The following MGST1 variants were observed in gnomAD, a reference collection of about 807,000 sequenced individuals.
MGST1 encodes glutathione S-transferase 12.
MGST1 carries 5 observed loss-of-function variants against 8.9 expected under a neutral mutation model. That is an observed-to-expected ratio of 0.56 (90% CI 0.29 to 1.19). The LOEUF (loss-of-function observed/expected upper bound fraction) is 1.19. Ranked by LOEUF, MGST1 falls within the 50% of genes most tolerant of loss-of-function variation. The pLI is 0.08. For synonymous variants in MGST1, 54 were observed against 67.8 expected, an observed-to-expected ratio of 0.80 and a Z score of 1.00; for missense variants, 182 against 187.4, an observed-to-expected ratio of 0.97 and a Z score of 0.17.
chr12:16,485,921 C>T (rs1205201623), intron 4 of MGST1, among the ~76,000 whole-genome samples: 1 of 152,086 alleles, frequency 6.6e-6, no homozygotes, highest in Admixed American at 6.6e-5. Context: ...AAGCAAAAAT[C>T]CCCTTCTTGT....
At chr12:16,476,831 C>CGACTG (rs1486061343) in intron 4 of MGST1, among the ~76,000 whole-genome samples, 1 of 152,044 alleles carries the variant, frequency 6.6e-6, no homozygotes, top group Non-Finnish European at 1.5e-5. Context: ...TCGAGGTAAT[C>CGACTG]GACTGAAATA....
At chr12:16,420,155 A>G (rs974849542) in intron 1 of MGST1, among the ~76,000 whole-genome samples, 10 of 152,166 alleles carry the variant, frequency 6.6e-5, no homozygotes, top group African/African-American at 2.4e-4. Context: ...TTTCTCATCT[A>G]TTTAATGAGT....
At chr12:16,580,684 A>G (rs965719377) in intron 4 of MGST1, among the ~76,000 whole-genome samples, 27 of 152,200 alleles carry the variant, frequency 1.8e-4, no homozygotes, top group Non-Finnish European at 3.7e-4. Context: ...AAATACATAC[A>G]TGTGCATAAA....
intron 1 of MGST1, among the ~76,000 whole-genome samples, chr12:16,412,987 A>G (rs1173856787): frequency 6.6e-6 from 1 of 152,176 alleles, no homozygotes; most frequent in Non-Finnish European, 1.5e-5. Flanking sequence ...GAAGCAGAAC[A>G]TAGATAATAT....
chr12:16,562,901 C>A (rs905968637), intron 4 of MGST1, among the ~76,000 whole-genome samples: 1 of 152,186 alleles, frequency 6.6e-6, no homozygotes, highest in Non-Finnish European at 1.5e-5. Context: ...AGTTCTCTGA[C>A]GTTATAGCCT....
rs563406827 is a variant in MGST1, at chr12:16,363,519, TTAGA to T, written c.222-270_222-267del. 496 of 213,910 alleles carry T rather than the reference TTAGA, an allele frequency of 2.3e-3. 3 individuals are homozygous for T. The highest frequency in any genetic ancestry group is 9.6e-3 in the African/African-American group (422 of 43,936). The allele number at this position is 213,910 out of a possible 1,614,324, so 13.3% of individuals were successfully genotyped here. On this transcript the variant is annotated intron_variant, in intron 3 of 3. Transcript: ENST00000396210. This position sits in a 1 kb window ranked among gnomAD's most constrained non-coding sequence, Gnocchi z 4.6. ...ATTTACAAAAATGAAATGAGTTCTATTAGATAGATGTCGTTTTGATATTCTAGGA... is the reference window on the plus strand; with the variant it reads ...ATTTACAAAAATGAAATGAGTTCTATTAGATGTCGTTTTGATATTCTAGGA...
intron 4 of MGST1, among the ~76,000 whole-genome samples, chr12:16,485,174 T>A (rs1017860649): frequency 4.6e-5 from 7 of 152,222 alleles, no homozygotes; most frequent in Non-Finnish European, 1.0e-4. Context: ...TCTATGGACA[T>A]TGTTCTTGCC....
At chr12:16,530,105 C>G (rs917556370) in intron 4 of MGST1, among the ~76,000 whole-genome samples, 2 of 152,018 alleles carry the variant, frequency 1.3e-5, no homozygotes, top group Admixed American at 6.6e-5. Context: ...TTTCACTTTT[C>G]AAGCTTTAAA....
intron 4 of MGST1, among the ~76,000 whole-genome samples, chr12:16,538,399 C>T (rs1310081602): frequency 6.6e-6 from 1 of 152,130 alleles, no homozygotes; most frequent in Admixed American, 6.5e-5. Flanking sequence ...CAACTTCTTC[C>T]TGTTACCCAG....
In MGST1 at chr12:16,482,111, G is replaced by T. The variant is rs898130321; in HGVS notation, n.482+98507G>T. Among the ~76,000 whole-genome samples, 1 of 152,078 alleles carries T rather than the reference G, an allele frequency of 6.6e-6. No individual in the cohort carries two copies. Among genetic ancestry groups the T allele is most frequent in the Non-Finnish European group, 1.5e-5 (1 of 68,002 alleles). ...ATAGTCAACATAAAATTGTATTCTAGCTAAATTTTACTTAAAACGCTGAAG... is the reference window on the plus strand; with the variant it reads ...ATAGTCAACATAAAATTGTATTCTATCTAAATTTTACTTAAAACGCTGAAG... On this transcript the variant is annotated intron_variant and non_coding_transcript_variant, in intron 4 of 4. Coordinates refer to the MGST1 transcript ENST00000538857. This position sits in a 1 kb window ranked among gnomAD's most constrained non-coding sequence, Gnocchi z 4.2.
chr12:16,560,673 C>G lies in MGST1; in HGVS notation n.483-28855C>G, dbSNP rs572132454. The G allele has an allele frequency of 2.3e-4, 167 of 741,720 alleles. No individual in the cohort carries two copies. Among genetic ancestry groups the G allele is most frequent in the Admixed American group, 9.4e-4 (37 of 39,508 alleles). 45.9% of individuals were successfully genotyped at this position (741,720 alleles called of 1,614,324 possible). A position where few individuals can be genotyped will look rare whatever the true frequency, so the allele number is the denominator to read the frequency against. On this transcript the variant is annotated intron_variant and non_coding_transcript_variant, in intron 4 of 4. Transcript: ENST00000538857. This position sits in a 1 kb window ranked among gnomAD's most constrained non-coding sequence, Gnocchi z 5.0. The stretch of plus-strand genomic sequence containing the variant: ...ATGATGTACACAAGTGGATTTTATC[C>G]TAGGTGTATGCATAAATATTCTTCT...
In MGST1 at chr12:16,362,245, A is replaced by G. The variant is rs535064129; in HGVS notation, c.222-1550A>G. Among the ~76,000 whole-genome samples, 1 of 152,260 alleles carries G rather than the reference A, an allele frequency of 6.6e-6. No individual in the cohort carries two copies. The highest frequency in any genetic ancestry group is 6.5e-5 in the Admixed American group (1 of 15,292). On this transcript the variant is annotated intron_variant, in intron 3 of 3. Transcript: ENST00000396210. The surrounding 1 kb of genome is among the most constrained non-coding windows in gnomAD (Gnocchi z 4.4). ...GTCTTTTCTTTCCCATCTCATTCTC[A>G]GTAGTACTTGTATTGCTCCATGAAA...
rs181098321 is a variant in MGST1, at chr12:16,542,088, C to T, written n.483-47440C>T. ...AGATGGTTGGTCCACCTCTAGTTTT[C>T]ATTTGCATTTTTCAGGCAAGAGGAA... is the stretch of plus-strand genomic sequence containing the variant. On this transcript the variant is annotated intron_variant and non_coding_transcript_variant, in intron 4 of 4. Coordinates refer to the MGST1 transcript ENST00000538857. Among the ~76,000 whole-genome samples, 168 of 152,242 alleles carry T rather than the reference C, an allele frequency of 1.1e-3. 3 individuals carry two copies. Among genetic ancestry groups the T allele is most frequent in the Admixed American group, 0.011 (166 of 15,284 alleles).
intron 4 of MGST1, among the ~76,000 whole-genome samples, chr12:16,577,167 C>A (rs545507137): frequency 6.6e-6 from 1 of 152,202 alleles, no homozygotes; most frequent in East Asian, 1.9e-4. Flanking sequence ...ACCATCATTA[C>A]CCCATTACTC....
At chr12:16,355,250 C>A (rs146954154) in intron 2 of MGST1, among the ~76,000 whole-genome samples, 1 of 150,024 alleles carries the variant, frequency 6.7e-6, no homozygotes, top group Non-Finnish European at 1.5e-5. Context: ...ACTCTGTTGC[C>A]CAGGCTGGAG....
chr12:16,363,948 T>C lies in MGST1; in HGVS notation c.375T>C (p.Leu125=). ...ACACCATTGCATATTTGACACCCCTTCCCCAGCCAAATAGAGCTTTGAGTT... is the reference window on the plus strand; with the variant it reads ...ACACCATTGCATATTTGACACCCCTCCCCCAGCCAAATAGAGCTTTGAGTT... ...IYHTIAYLTP[L]PQPNRALSFF... Residue 125 remains leucine (L), a synonymous_variant, in exon 4 of 4, where the codon CTT becomes CTC. Transcript: ENST00000396210. The surrounding 1 kb of genome is among the most constrained non-coding windows in gnomAD (Gnocchi z 4.6). The C allele has an allele frequency of 6.2e-7, 1 of 1,613,896 alleles. No homozygotes were observed. The highest frequency in any genetic ancestry group is 1.1e-5 in the South Asian group (1 of 91,076).
chr12:16,398,496 C>T (rs1940625277), intron 1 of MGST1, among the ~76,000 whole-genome samples: 1 of 152,132 alleles, frequency 6.6e-6, no homozygotes, highest in African/African-American at 2.4e-5. Flanking sequence ...TTCTTTGAGC[C>T]TTCCTCTAGA....
At chr12:16,391,198 T>G (rs1021682508) in intron 1 of MGST1, among the ~76,000 whole-genome samples, 6 of 151,780 alleles carry the variant, frequency 4.0e-5, no homozygotes, top group Non-Finnish European at 7.4e-5. Context: ...AACGAGCAGG[T>G]TTGTTATGTA....
chr12:16,578,905 G>A (rs11829390), intron 4 of MGST1, among the ~76,000 whole-genome samples: 55,094 of 151,814 alleles, frequency 0.36, 10,623 homozygotes, highest in African/African-American at 0.5. Context: ...AATAATTCAT[G>A]GTTCTATACT....
Sources: allele counts gnomAD v4.1 joint callset (sites outside exome capture counted in the v4.1 genomes callset), GRCh38; gene constraint gnomAD v4.1.1; non-coding constraint Gnocchi (gnomAD v3.1); transcripts MANE v1.5; gene names NCBI Gene and HGNC (gene_info 2026-07-23, HGNC 2026-07-21).